The following LAT2 variants were observed in gnomAD, a reference collection of about 807,000 sequenced individuals.
LAT2 encodes the protein linker for activation of T cells family member 2.
LAT2 carries 23 observed loss-of-function variants against 43.4 expected under a neutral mutation model. That is an observed-to-expected ratio of 0.53 (90% CI 0.38 to 0.75). The LOEUF (loss-of-function observed/expected upper bound fraction) is 0.75. Among genes scored for constraint, LAT2 ranks in the 30% least tolerant of loss-of-function variants. LAT2 has a pLI of 0.00. For synonymous variants in LAT2, 128 were observed against 123.2 expected (o/e 1.04, Z -0.26); for missense variants, 284 against 310.2 (o/e 0.92, Z 0.64).
At chr7:74,217,705 CTG>C (rs1157184564) in intron 4 of LAT2, among the ~76,000 whole-genome samples, 1 of 152,154 alleles carries the variant, frequency 6.6e-6, no homozygotes, top group Non-Finnish European at 1.5e-5. Flanking sequence ...ACACTGCAGA[CTG>C]GGGCTGAAAC....
intron 13 of LAT2, chr7:74,225,245 T>C (rs1802444343): frequency 1.3e-5 from 2 of 154,804 alleles, no homozygotes; most frequent in South Asian, 3.9e-4. Context: ...ACACAAAAAA[T>C]TAGCCAGGCA....
chr7:74,227,901 C>T (rs968198968), intron 13 of LAT2, among the ~76,000 whole-genome samples: 28 of 151,890 alleles, frequency 1.8e-4, no homozygotes, highest in African/African-American at 5.6e-4. Context: ...AGAGGCCAGG[C>T]GCAGTGGCTC....
chr7:74,215,986 G>A lies in LAT2; in HGVS notation c.11G>A (p.Gly4Glu), dbSNP rs1802026440. 6.2e-7 allele frequency: 1 copy of A among 1,614,068 alleles called. No homozygotes were observed. The highest frequency in any genetic ancestry group is 1.7e-5 in the Admixed American group (1 of 60,016). The change falls in exon 3 of 14, where the codon GGG (glycine) becomes GAG (glutamate). Residue 4 changes from glycine (G) to glutamate (E), a missense_variant. Coordinates refer to ENST00000460943, the MANE Select transcript of LAT2 (RefSeq NM_032464.3). MSS[G>E]TELLWPGAAL... ...ACACCAGGAGCCAACATGAGCTCGGGGACTGAACTGCTGTGGCCCGGAGCA... is the reference window on the plus strand; with the variant it reads ...ACACCAGGAGCCAACATGAGCTCGGAGACTGAACTGCTGTGGCCCGGAGCA...
chr7:74,224,448 T>C (rs1802409444), intron 12 of LAT2, among the ~76,000 whole-genome samples, 191 bp from the exon 13 acceptor site: 1 of 152,196 alleles, frequency 6.6e-6, no homozygotes, highest in African/African-American at 2.4e-5. Flanking sequence ...GAGTAACGCA[T>C]TCACCTGCTC....
intron 1 of LAT2, among the ~76,000 whole-genome samples, chr7:74,213,604 T>G (rs564140678): frequency 1.8e-4 from 28 of 152,034 alleles, no homozygotes; most frequent in African/African-American, 6.5e-4. Flanking sequence ...TTTGTATTTT[T>G]AGTAGAGATG....
intron 10 of LAT2, 117 bp from the exon 11 acceptor site, chr7:74,223,607 G>A: frequency 1.1e-6 from 1 of 949,292 alleles, no homozygotes; most frequent in Non-Finnish European, 1.7e-6. Flanking sequence ...GGACCCAGAG[G>A]GCTAGGGCTT....
intron 1 of LAT2, among the ~76,000 whole-genome samples, chr7:74,210,517 C>T (rs1801694702): frequency 6.6e-6 from 1 of 152,166 alleles, no homozygotes; most frequent in Non-Finnish European, 1.5e-5. Context: ...AGAACCCCCA[C>T]TGCCTCCCTG....
At chr7:74,225,741 A>G (rs1367738133) in intron 13 of LAT2, 1 of 152,324 alleles carries the variant, frequency 6.6e-6, no homozygotes, top group Non-Finnish European at 1.5e-5. Context: ...AAGGCTGCCC[A>G]AAGTCCCCAT....
In LAT2 at chr7:74,224,681, C is replaced by T. The variant is rs1009232808; in HGVS notation, c.671C>T (p.Pro224Leu). The T allele has an allele frequency of 1.2e-6, 2 of 1,608,664 alleles. No individual in the cohort carries two copies. Among genetic ancestry groups the T allele is most frequent in the East Asian group, 2.2e-5 (1 of 44,716 alleles). ...GCATCCCCTGGCCCGGTGGGAAGCC[C>T]AGACGAGGAGGACGGGGAACCGGAT... ...REASPGPVGS[P>L]DEEDGEPDYV... is the part of the protein sequence containing the mutation. The change falls in exon 13 of 14, where the codon CCA becomes CTA. Residue 224 changes from proline (P) to leucine (L), a missense_variant. Physicochemically the swap from Pro to Leu is moderately conservative, Grantham distance 98. Coordinates refer to ENST00000460943, the MANE Select transcript of LAT2 (RefSeq NM_032464.3).
chr7:74,220,673 G>T lies in LAT2; in HGVS notation c.302-31G>T. On this transcript the variant is annotated intron_variant, in intron 8 of 13. Coordinates refer to ENST00000460943, the MANE Select transcript of LAT2 (RefSeq NM_032464.3). The surrounding 1 kb of genome is among the most constrained non-coding windows in gnomAD (Gnocchi z 4.5). ...GCCATGGTGGGGGCCACACCCAGGG[G>T]CTCAGGCCCAATTCTCGCCTCCTCC... 6.2e-7 allele frequency: 1 copy of T among 1,613,246 alleles called. No homozygotes were observed. Among genetic ancestry groups the T allele is most frequent in the Non-Finnish European group, 8.5e-7 (1 of 1,179,414 alleles).
At chr7:74,228,255 T>A (rs1416581241) in intron 13 of LAT2, among the ~76,000 whole-genome samples, 2 of 133,930 alleles carry the variant, frequency 1.5e-5, no homozygotes, top group Admixed American at 1.6e-4. Flanking sequence ...GGCGGGCGGA[T>A]CACAAGGTCA....
chr7:74,215,823 G>T (rs560850213), intron 2 of LAT2, 124 bp from the exon 3 acceptor site: 8 of 705,448 alleles, frequency 1.1e-5, no homozygotes, highest in Non-Finnish European at 1.8e-5. Context: ...CAGTGCAGGA[G>T]CGGGGAGGGG....
At chr7:74,216,753 A>C in intron 3 of LAT2, 72 bp from the exon 4 acceptor site, 1 of 1,315,012 alleles carries the variant, frequency 7.6e-7, no homozygotes, top group Non-Finnish European at 1.1e-6. Flanking sequence ...GAGACAAGAC[A>C]TGGCGGGGGG....
Position 74,220,128 on chromosome 7 carries a change from A to G in LAT2, c.228-89A>G. 6.4e-7 allele frequency: 1 copy of G among 1,555,652 alleles called. No individual in the cohort carries two copies. Among genetic ancestry groups the G allele is most frequent in the Non-Finnish European group, 8.8e-7 (1 of 1,139,370 alleles). On this transcript the variant is annotated intron_variant, in intron 6 of 13. Coordinates refer to ENST00000460943, the MANE Select transcript of LAT2 (RefSeq NM_032464.3). This position sits in a 1 kb window ranked among gnomAD's most constrained non-coding sequence, Gnocchi z 4.5. ...CCAGAGCTCCAGGGCTCAGCTATGA[A>G]GGCCCCACAAGGGGTATGGGGGGAT...
intron 10 of LAT2, 37 bp from the exon 11 acceptor site, chr7:74,223,687 G>A (rs782693324): frequency 6.3e-7 from 1 of 1,597,250 alleles, no homozygotes; most frequent in South Asian, 1.1e-5. Context: ...TGCAGGGTCT[G>A]CCCACACCCC....
At chr7:74,226,268 G>A (rs1035390436) in intron 13 of LAT2, 1 of 151,852 alleles carries the variant, frequency 6.6e-6, no homozygotes, top group African/African-American at 2.4e-5. Flanking sequence ...CTTCCAAGTA[G>A]CTGGGATTAC....
intron 1 of LAT2, among the ~76,000 whole-genome samples, chr7:74,210,939 G>C (rs1801711972): frequency 1.3e-5 from 2 of 152,132 alleles, no homozygotes; most frequent in African/African-American, 2.4e-5. Context: ...CTCGGAGAAG[G>C]CTGGGAGAAC....
At chr7:74,226,680 A>C (rs1282295542) in intron 13 of LAT2, among the ~76,000 whole-genome samples, 1 of 152,132 alleles carries the variant, frequency 6.6e-6, no homozygotes, top group African/African-American at 2.4e-5. Flanking sequence ...AAGAAAACAG[A>C]TAAGAAGACA....
intron 13 of LAT2, chr7:74,225,541 C>G (rs575435979): frequency 6.6e-6 from 1 of 152,326 alleles, no homozygotes; most frequent in Non-Finnish European, 1.5e-5. Flanking sequence ...TGAGATGGTG[C>G]GGCGCTAAGC....
Sources: gnomAD v4.1 joint callset for allele counts (sites outside exome capture counted in the v4.1 genomes callset) on GRCh38, gnomAD v4.1.1 for gene constraint, Gnocchi (gnomAD v3.1) non-coding constraint, MANE v1.5 for transcripts, NCBI Gene and HGNC (gene_info 2026-07-23, HGNC 2026-07-21) for gene names.